The following HPSE2 variants were observed in gnomAD, a reference collection of about 807,000 sequenced individuals.
HPSE2 encodes the protein heparanase 2 (inactive).
A neutral mutation model predicts 60.5 loss-of-function variants in HPSE2; 38 were observed. The observed-to-expected ratio is 0.63, with a 90% confidence interval of 0.48 to 0.82. HPSE2 has a LOEUF of 0.82. Among genes scored for constraint, HPSE2 ranks in the 40% least tolerant of loss-of-function variants. HPSE2 has a pLI of 0.00. For missense variants in HPSE2, 713 were observed against 740.4 expected (o/e 0.96, Z 0.43); for synonymous variants, 295 against 293.2 (o/e 1.01, Z -0.06).
chr10:98,624,031 A>T (rs1946141376), intron 7 of HPSE2, among the ~76,000 whole-genome samples: 1 of 152,216 alleles, frequency 6.6e-6, no homozygotes. Context: ...TATCAAGGGC[A>T]TTAACTAATT....
intron 3 of HPSE2, among the ~76,000 whole-genome samples, chr10:99,127,164 T>G (rs972700940): frequency 3.3e-5 from 5 of 152,096 alleles, no homozygotes; most frequent in African/African-American, 1.2e-4. Context: ...AATTGCCTGA[T>G]AAGCAATTCA....
At chr10:98,891,765 A>T (rs1348475518) in intron 3 of HPSE2, among the ~76,000 whole-genome samples, 2 of 151,854 alleles carry the variant, frequency 1.3e-5, no homozygotes, top group Non-Finnish European at 2.9e-5. Context: ...TAACAGTTAA[A>T]TTCTGTATTT....
In HPSE2 at chr10:99,219,063, T is replaced by G. The variant is rs1026738944; in HGVS notation, c.448+13285A>C. 1.4e-4 allele frequency among the ~76,000 whole-genome samples: 22 copies of G among 152,186 alleles called. 1 individual carries two copies. Among genetic ancestry groups the G allele is most frequent in the Admixed American group, 1.4e-3 (21 of 15,280 alleles). On this transcript the variant is annotated intron_variant, in intron 2 of 11. Coordinates refer to ENST00000370552, the MANE Select transcript of HPSE2 (RefSeq NM_021828.5). ...TGACTAAGTCACCAGAAAGCTCAAG[T>G]TATATTTCCACTCCTCTGCTTATTC...
In HPSE2 at chr10:98,677,051, G is replaced by A. The variant is rs542011209; in HGVS notation, c.1004+16849C>T. 2.4e-3 allele frequency among the ~76,000 whole-genome samples: 359 copies of A among 152,090 alleles called. 2 individuals are homozygous for A. Among genetic ancestry groups the A allele is most frequent in the Admixed American group, 3.9e-3 (59 of 15,272 alleles). On this transcript the variant is annotated intron_variant, in intron 6 of 11. Transcript: ENST00000370552. ...GGCCCATGAGAATTTTCTCCCTATG[G>A]AGTCCTTACTTCCTCCACCAGGAGC...
the HPSE2 span, among the ~76,000 whole-genome samples, chr10:99,311,486 G>A: frequency 2.6e-5 from 4 of 152,138 alleles, no homozygotes; most frequent in African/African-American, 9.7e-5. Flanking sequence ...TCTGTAATCA[G>A]TAATCTCTGG....
chr10:99,313,281 T>C, the HPSE2 span, among the ~76,000 whole-genome samples: 7 of 152,196 alleles, frequency 4.6e-5, no homozygotes, highest in African/African-American at 9.7e-5. Flanking sequence ...CTGATTTCAA[T>C]GCTCATGGAT....
intron 5 of HPSE2, 48 bp from the exon 6 acceptor site, chr10:98,693,995 C>T: frequency 7.2e-7 from 1 of 1,390,464 alleles, no homozygotes; most frequent in Non-Finnish European, 1.0e-6. Context: ...GATTAAACCA[C>T]ATCCCCTAAA....
chr10:98,782,114 TAAG>T (rs1420726120), intron 3 of HPSE2, among the ~76,000 whole-genome samples: 191 of 44,712 alleles, frequency 4.3e-3, no homozygotes, highest in African/African-American at 0.019. Context: ...CTTAATTTTA[TAAG>T]AAGATACTAT....
chr10:99,149,875 T>C (rs905884980), intron 2 of HPSE2, among the ~76,000 whole-genome samples: 3 of 151,876 alleles, frequency 2.0e-5, no homozygotes, highest in Non-Finnish European at 4.4e-5. Context: ...TTTTTTTTTT[T>C]CTCCTGGTAC....
intron 3 of HPSE2, among the ~76,000 whole-genome samples, chr10:98,900,570 C>G (rs1953638404): frequency 6.6e-6 from 1 of 152,060 alleles, no homozygotes; most frequent in South Asian, 2.1e-4. Context: ...TATGCCAAAA[C>G]TTATCAAATT....
chr10:98,769,066 A>C (rs767750402), intron 3 of HPSE2, among the ~76,000 whole-genome samples: 5 of 142,674 alleles, frequency 3.5e-5, no homozygotes, highest in Non-Finnish European at 7.7e-5. Flanking sequence ...TAATAATCAT[A>C]ATAATAACTT....
chr10:98,473,135 G>A (rs1940848820), intron 11 of HPSE2, among the ~76,000 whole-genome samples: 1 of 152,066 alleles, frequency 6.6e-6, no homozygotes, highest in Non-Finnish European at 1.5e-5. Flanking sequence ...ATAACAAAAT[G>A]TTCATATTTC....
intron 9 of HPSE2, among the ~76,000 whole-genome samples, chr10:98,591,176 T>C (rs1056318887): frequency 3.9e-5 from 6 of 152,252 alleles, no homozygotes; most frequent in South Asian, 2.1e-4. Context: ...AAATTATTTA[T>C]CATTTCTGTG....
the HPSE2 span, among the ~76,000 whole-genome samples, chr10:99,292,665 T>C: frequency 6.6e-6 from 1 of 152,230 alleles, no homozygotes; most frequent in Non-Finnish European, 1.5e-5. Flanking sequence ...ATTTTAATAA[T>C]ATATTTTATT....
intron 3 of HPSE2, among the ~76,000 whole-genome samples, chr10:98,788,647 G>T (rs1950585329): frequency 6.6e-6 from 1 of 152,200 alleles, no homozygotes; most frequent in South Asian, 2.1e-4. Flanking sequence ...TCGTCTCGTG[G>T]TGCGCTGTTT....
chr10:98,867,968 G>T (rs1038394290), intron 3 of HPSE2, among the ~76,000 whole-genome samples: 1 of 151,748 alleles, frequency 6.6e-6, no homozygotes, highest in African/African-American at 2.4e-5. Flanking sequence ...AGGGTGAGGC[G>T]GGAGAATCAC....
At chr10:99,259,606 C>T in the HPSE2 span, among the ~76,000 whole-genome samples, 6 of 152,210 alleles carry the variant, frequency 3.9e-5, no homozygotes, top group South Asian at 1.0e-3. Flanking sequence ...AAGGAATATG[C>T]AATACCAAGA....
chr10:98,738,579 T>C (rs1263362625), intron 4 of HPSE2, among the ~76,000 whole-genome samples: 2 of 152,180 alleles, frequency 1.3e-5, no homozygotes, highest in Non-Finnish European at 2.9e-5. Context: ...TCTATCCATC[T>C]GACAAAGGGC....
At chr10:98,829,528 AC>A (rs1951633036) in intron 3 of HPSE2, among the ~76,000 whole-genome samples, 1 of 152,192 alleles carries the variant, frequency 6.6e-6, no homozygotes, top group South Asian at 2.1e-4. Context: ...CTCAAAAAAA[AC>A]AAAAAAAAAG....
Sources: gnomAD v4.1 joint callset for allele counts (sites outside exome capture counted in the v4.1 genomes callset) on GRCh38, gnomAD v4.1.1 for gene constraint, MANE v1.5 for transcripts, NCBI Gene and HGNC (gene_info 2026-07-23, HGNC 2026-07-21) for gene names.